The following RALYL variants were observed in gnomAD, a reference collection of about 807,000 sequenced individuals.
RALYL encodes RALY RNA binding protein like.
Under a neutral mutation model 35.1 loss-of-function variants are expected in RALYL, and 29 were observed. The ratio of observed to expected loss-of-function variants is 0.83; its 90% confidence interval spans 0.61 to 1.13. The LOEUF is 1.13. Among genes scored for constraint, RALYL ranks in the 50% most tolerant of loss-of-function variants. The pLI, the probability that RALYL is intolerant of heterozygous loss-of-function variation, is 0.00. For missense variants in RALYL, 359 were observed against 360.4 expected, an observed-to-expected ratio of 1.00 and a Z score of 0.03; for synonymous variants, 120 against 127.6, an observed-to-expected ratio of 0.94 and a Z score of 0.40.
In RALYL at chr8:84,867,994, C is replaced by CT. The variant is rs202101098; in HGVS notation, c.572-5282dup. On this transcript the variant is annotated intron_variant, in intron 6 of 8. Coordinates refer to ENST00000521268, the MANE Select transcript of RALYL (RefSeq NM_173848.7). The stretch of plus-strand genomic sequence containing the variant: ...GTGACAGAACATTTTTACTATTTCT[C>CT]TTTTTTTTGTATTTTATATGCATAA... Among the ~76,000 whole-genome samples the CT allele has an allele frequency of 4.0e-3, 604 of 151,618 alleles. 3 individuals carry two copies. The highest frequency in any genetic ancestry group is 0.014 in the African/African-American group (567 of 41,344).
chr8:84,735,482 ACC>A (rs1180968714), intron 2 of RALYL, among the ~76,000 whole-genome samples: 3 of 151,830 alleles, frequency 2.0e-5, no homozygotes, highest in Non-Finnish European at 2.9e-5. Context: ...AGTCACCTCC[ACC>A]CCAGCAGCAG....
At chr8:84,395,974 A>C (rs1257274483) in intron 1 of RALYL, among the ~76,000 whole-genome samples, 1 of 151,930 alleles carries the variant, frequency 6.6e-6, no homozygotes, top group Non-Finnish European at 1.5e-5. Flanking sequence ...AAGTTTTGCT[A>C]ATAGTTTTGG....
chr8:84,446,500 C>T (rs1420724722), intron 1 of RALYL, among the ~76,000 whole-genome samples: 1 of 152,030 alleles, frequency 6.6e-6, no homozygotes, highest in Non-Finnish European at 1.5e-5. Flanking sequence ...TCTTTGCTGT[C>T]TCATGGACCA....
chr8:84,756,023 T>A (rs1002615965), intron 2 of RALYL, among the ~76,000 whole-genome samples: 2 of 152,128 alleles, frequency 1.3e-5, no homozygotes, highest in African/African-American at 4.8e-5. Flanking sequence ...TTTTAACTTA[T>A]TGCCATGAAC....
chr8:84,467,368 A>C (rs2051860501), intron 1 of RALYL, among the ~76,000 whole-genome samples: 1 of 151,836 alleles, frequency 6.6e-6, no homozygotes, highest in East Asian at 1.9e-4. Flanking sequence ...GTTTCAAAGA[A>C]CATCTTTATT....
chr8:84,615,568 G>GTTTT (rs1819326178), intron 2 of RALYL, among the ~76,000 whole-genome samples: 1 of 63,340 alleles, frequency 1.6e-5, no homozygotes, highest in African/African-American at 6.7e-5. Context: ...TAGAACTTTC[G>GTTTT]TCTTTTTTTT....
At chr8:84,491,181 T>A (rs1473008628) in intron 1 of RALYL, among the ~76,000 whole-genome samples, 1 of 152,042 alleles carries the variant, frequency 6.6e-6, no homozygotes, top group Non-Finnish European at 1.5e-5. Context: ...TTGTTGACTA[T>A]CTTTAATACT....
chr8:84,549,669 G>T (rs1406165258), intron 2 of RALYL, among the ~76,000 whole-genome samples: 1 of 152,186 alleles, frequency 6.6e-6, no homozygotes, highest in African/African-American at 2.4e-5. Context: ...ATATGCATGA[G>T]AGTATGGCAG....
At chr8:84,907,547 C>G (rs893954183) in intron 8 of RALYL, among the ~76,000 whole-genome samples, 1 of 152,008 alleles carries the variant, frequency 6.6e-6, no homozygotes, top group African/African-American at 2.4e-5. Flanking sequence ...AGTAACTTCC[C>G]CAAGCTCACA....
intron 2 of RALYL, among the ~76,000 whole-genome samples, chr8:84,682,944 T>C (rs1303034122): frequency 1.3e-5 from 2 of 152,314 alleles, no homozygotes; most frequent in African/African-American, 2.4e-5. Context: ...AGGGTGTCAA[T>C]TTTAGATCTT....
chr8:84,594,727 T>A (rs1485883188), intron 2 of RALYL, among the ~76,000 whole-genome samples: 1 of 152,096 alleles, frequency 6.6e-6, no homozygotes, highest in East Asian at 1.9e-4. Flanking sequence ...TTAACGTGAA[T>A]TTTTTTAACC....
intron 2 of RALYL, among the ~76,000 whole-genome samples, chr8:84,690,553 G>A (rs1443118099): frequency 6.6e-6 from 1 of 151,660 alleles, no homozygotes; most frequent in Non-Finnish European, 1.5e-5. Context: ...GCTTCATTAT[G>A]GTAATCATTT....
At chr8:84,694,562 C>A (rs1838749648) in intron 2 of RALYL, among the ~76,000 whole-genome samples, 1 of 151,672 alleles carries the variant, frequency 6.6e-6, no homozygotes, top group African/African-American at 2.4e-5. Context: ...GAAATACTCA[C>A]CATAATTCCA....
chr8:84,302,102 G>C (rs1840906988), intron 1 of RALYL, among the ~76,000 whole-genome samples: 1 of 152,144 alleles, frequency 6.6e-6, no homozygotes, highest in South Asian at 2.1e-4. Context: ...TTGCTGGGCT[G>C]TATCAAAGAT....
intron 7 of RALYL, among the ~76,000 whole-genome samples, chr8:84,887,336 C>A (rs949463059): frequency 6.6e-6 from 1 of 152,100 alleles, no homozygotes; most frequent in Admixed American, 6.6e-5. Context: ...TTATGTAAAT[C>A]TTACTAATTT....
At chr8:84,371,522 G>T (rs965670010) in intron 1 of RALYL, among the ~76,000 whole-genome samples, 1 of 146,238 alleles carries the variant, frequency 6.8e-6, no homozygotes, top group Non-Finnish European at 1.5e-5. Context: ...TAAAAATAGG[G>T]AATAAATTTA....
chr8:84,364,129 G>A (rs1853699375), intron 1 of RALYL, among the ~76,000 whole-genome samples: 1 of 152,086 alleles, frequency 6.6e-6, no homozygotes, highest in Admixed American at 6.5e-5. Flanking sequence ...AAAGATGGTG[G>A]GATTGAGGAT....
chr8:84,789,145 T>A (rs1388758927), intron 3 of RALYL, among the ~76,000 whole-genome samples: 4 of 152,182 alleles, frequency 2.6e-5, no homozygotes, highest in Admixed American at 6.5e-5. Context: ...TATTCCTAAC[T>A]CAGAGAATCT....
At chr8:84,893,756 C>T (rs1206440171) in intron 8 of RALYL, among the ~76,000 whole-genome samples, 1 of 152,140 alleles carries the variant, frequency 6.6e-6, no homozygotes, top group African/African-American at 2.4e-5. Flanking sequence ...ACCATCAATT[C>T]CCAAAGGAAA....
Sources: allele counts gnomAD v4.1 joint callset (sites outside exome capture counted in the v4.1 genomes callset), GRCh38; gene constraint gnomAD v4.1.1; transcripts MANE v1.5; gene names NCBI Gene and HGNC (gene_info 2026-07-23, HGNC 2026-07-21).